ATP2B2: variants seen among roughly 807,000 people sequenced by gnomAD.
ATP2B2 encodes plasma membrane calcium-transporting ATPase 2.
A neutral mutation model predicts 120.0 loss-of-function variants in ATP2B2; 15 were observed. The observed-to-expected ratio is 0.12, with a 90% CI of 0.08 to 0.19. The LOEUF (loss-of-function observed/expected upper bound fraction) is 0.19. Among genes scored for constraint, ATP2B2 ranks in the 10% least tolerant of loss-of-function variants. The pLI is 1.00. For missense variants in ATP2B2, 1,045 were observed against 1,719.8 expected, an observed-to-expected ratio of 0.61 and a Z score of 6.94; for synonymous variants, 694 against 700.3, an observed-to-expected ratio of 0.99 and a Z score of 0.14.
chr3:10,401,370 T>C (rs900220875), intron 4 of ATP2B2, among the ~76,000 whole-genome samples: 15 of 152,128 alleles, frequency 9.9e-5, no homozygotes, highest in African/African-American at 2.9e-4. Context: ...GAACTTGGAG[T>C]GCAGGTCTCC....
intron 11 of ATP2B2, among the ~76,000 whole-genome samples, chr3:10,374,466 T>G (rs1442682826): frequency 6.6e-6 from 1 of 152,260 alleles, no homozygotes; most frequent in African/African-American, 2.4e-5. Flanking sequence ...TGGAAACTGA[T>G]GCTCACCATG....
chr3:10,601,478 C>A (rs1326478917), intron 2 of ATP2B2, among the ~76,000 whole-genome samples: 1 of 152,182 alleles, frequency 6.6e-6, no homozygotes, highest in African/African-American at 2.4e-5. Context: ...GTGAGAGTCT[C>A]CCCTTGCTGG....
intron 2 of ATP2B2, among the ~76,000 whole-genome samples, chr3:10,556,052 C>T (rs936111418): frequency 6.6e-6 from 1 of 152,324 alleles, no homozygotes. Context: ...GCACCCACCA[C>T]CACGCTTGGC....
intron 12 of ATP2B2, 94 bp downstream of exon 12, chr3:10,371,715 G>C: frequency 6.3e-7 from 1 of 1,584,284 alleles, no homozygotes; most frequent in South Asian, 1.1e-5. Flanking sequence ...AGCAGGATTT[G>C]AGACTATGAA....
intron 1 of ATP2B2, among the ~76,000 whole-genome samples, chr3:10,486,864 T>G (rs1471102126): frequency 6.6e-6 from 1 of 151,938 alleles, no homozygotes; most frequent in Non-Finnish European, 1.5e-5. Context: ...GGACTACAGG[T>G]GCGAGCCACC....
intron 8 of ATP2B2, among the ~76,000 whole-genome samples, chr3:10,380,699 G>C (rs551990379): frequency 6.6e-6 from 1 of 152,310 alleles, no homozygotes; most frequent in African/African-American, 2.4e-5. Context: ...GCCCAGGGGA[G>C]GGAAGTTGAG....
intron 2 of ATP2B2, among the ~76,000 whole-genome samples, chr3:10,584,189 C>T (rs896035182): frequency 2.6e-5 from 4 of 151,978 alleles, no homozygotes; most frequent in African/African-American, 4.8e-5. Flanking sequence ...GCAGGGGCTG[C>T]GGGAAAGCTC....
intron 1 of ATP2B2, among the ~76,000 whole-genome samples, chr3:10,652,206 C>G (rs975725944): frequency 3.3e-5 from 5 of 152,090 alleles, no homozygotes; most frequent in Admixed American, 6.5e-5. Flanking sequence ...GGCTGATGAC[C>G]CCACCACGTG....
rs773443414 is a variant in ATP2B2, at chr3:10,350,550, G to A, written c.2164C>T (p.Arg722Trp). 3 of 1,613,480 alleles carry A rather than the reference G, an allele frequency of 1.9e-6. No homozygotes were observed. Among genetic ancestry groups the A allele is most frequent in the Non-Finnish European group, 2.5e-6 (3 of 1,180,018 alleles). The change falls in exon 15 of 23, where the codon CGG (arginine) becomes TGG (tryptophan). Residue 722 changes from arginine (R) to tryptophan (W), a missense_variant. Around this residue, in one of 11 missense-constraint regions of ATP2B2, gnomAD observed 343 missense variants for 536.8 expected, o/e 0.64. Transcript: ENST00000360273. ...EVPEAIRKCQ[R>W]AGITVRMVTG... ...ACCATGCGGACCGTGATGCCTGCCC[G>A]CTGGCACTTGCGGATGGCTTCTGGG...
chr3:10,462,829 A>G (rs1030813225), intron 1 of ATP2B2, among the ~76,000 whole-genome samples: 1 of 151,162 alleles, frequency 6.6e-6, no homozygotes, highest in African/African-American at 2.4e-5. Context: ...CCCACATCCC[A>G]CCTGATTGGC....
At position 10,376,996 on chromosome 3, in the gene ATP2B2, A is replaced by G. The variant is rs1260728618; in HGVS notation, c.1201+1256T>C. ...GGTCTCACCTGAGAGCACCCTGTCA[A>G]TAGATCCCCTGCCTACCCATCTCAG... On this transcript the variant is annotated intron_variant, in intron 10 of 22. Transcript: ENST00000360273. Among the ~76,000 whole-genome samples, 3 of 152,166 alleles carry G rather than the reference A, an allele frequency of 2.0e-5. No individual in the cohort carries two copies. In the East Asian group the frequency reaches 5.8e-4, roughly 29 times the overall value.
chr3:10,696,354 T>C (rs571159067), intron 1 of ATP2B2, among the ~76,000 whole-genome samples: 72 of 152,354 alleles, frequency 4.7e-4, no homozygotes, highest in African/African-American at 1.6e-3. Context: ...TTCAAAGCCC[T>C]GCCTCCCAGG....
At chr3:10,637,823 G>T (rs1039629190) in intron 1 of ATP2B2, among the ~76,000 whole-genome samples, 5 of 151,882 alleles carry the variant, frequency 3.3e-5, no homozygotes, top group Non-Finnish European at 5.9e-5. Flanking sequence ...CAAGAAACAT[G>T]AAGAAAGCAA....
chr3:10,686,938 A>T (rs1201075355), intron 1 of ATP2B2, among the ~76,000 whole-genome samples: 1 of 152,228 alleles, frequency 6.6e-6, no homozygotes, highest in African/African-American at 2.4e-5. Context: ...ACAAATGAAG[A>T]GACTGAAGCC....
At chr3:10,672,701 A>G (rs2071131944) in intron 1 of ATP2B2, among the ~76,000 whole-genome samples, 1 of 152,212 alleles carries the variant, frequency 6.6e-6, no homozygotes, top group African/African-American at 2.4e-5. Flanking sequence ...TAGGGTCATA[A>G]ATTTTTATTA....
intron 1 of ATP2B2, among the ~76,000 whole-genome samples, chr3:10,655,437 T>TTTAGAAATGCAA (rs368395083): frequency 6.6e-6 from 1 of 152,090 alleles, no homozygotes; most frequent in Non-Finnish European, 1.5e-5. Context: ...TTCTATTTTG[T>TTTAGAAATGCAA]AAATTCCCTG....
At position 10,326,766 on chromosome 3, in the gene ATP2B2, G is replaced by T; in HGVS notation, c.*2048C>A. 2.5e-6 allele frequency: 1 copy of T among 399,024 alleles called. No individual in the cohort carries two copies. The highest frequency in any genetic ancestry group is 2.1e-5 in the African/African-American group (1 of 48,738). The allele number at this position is 399,024 out of a possible 1,614,324, so 24.7% of individuals were successfully genotyped here. A position where few individuals can be genotyped will look rare whatever the true frequency, so the allele number is the denominator to read the frequency against. ...AAGGTCCTCCTTCCAGGAGGATTTT[G>T]CCAGGTGGGATGGGCTGACTTTGAA... is the stretch of plus-strand genomic sequence containing the variant. On this transcript the variant is annotated 3_prime_UTR_variant, in exon 23 of 23. Transcript: ENST00000360273.
chr3:10,476,464 C>A (rs1012041623), intron 1 of ATP2B2, among the ~76,000 whole-genome samples: 27 of 152,232 alleles, frequency 1.8e-4, no homozygotes, highest in African/African-American at 6.5e-4. Context: ...AGCATGGGAA[C>A]AACGGGTGCG....
chr3:10,623,549 T>C (rs541471288), intron 1 of ATP2B2, among the ~76,000 whole-genome samples: 5 of 145,418 alleles, frequency 3.4e-5, no homozygotes, highest in East Asian at 5.1e-4. Context: ...GGAGGCTTCA[T>C]TGAAGATGAA....
Sources: allele counts gnomAD v4.1 joint callset (sites outside exome capture counted in the v4.1 genomes callset), GRCh38; gene constraint gnomAD v4.1.1; regional missense constraint gnomAD v4.1.1; transcripts MANE v1.5; gene names NCBI Gene and HGNC (gene_info 2026-07-23, HGNC 2026-07-21).